Variants in RABGAP1L observed in about 807,000 individuals in gnomAD.
RABGAP1L encodes RAB GTPase activating protein 1 like, also known as rab GTPase-activating protein 1-like.
RABGAP1L carries 63 observed loss-of-function variants against 137.7 expected under a neutral mutation model. That is an observed-to-expected ratio of 0.46 (90% CI 0.37 to 0.56). The LOEUF is 0.56. Ranked by LOEUF, RABGAP1L falls within the 20% of genes least tolerant of loss-of-function variation. The pLI, the probability that RABGAP1L is intolerant of heterozygous loss-of-function variation, is 0.00. For synonymous variants in RABGAP1L, 431 were observed against 433.7 expected (o/e 0.99, Z 0.08); for missense variants, 1,095 against 1,244.0 (o/e 0.88, Z 1.80).
At chr1:174,605,546 G>C (rs1409543415) in intron 13 of RABGAP1L, among the ~76,000 whole-genome samples, 2 of 151,784 alleles carry the variant, frequency 1.3e-5, no homozygotes, top group African/African-American at 4.8e-5. Flanking sequence ...TCGAAGAAAT[G>C]CTTCAGATTT....
intron 18 of RABGAP1L, among the ~76,000 whole-genome samples, chr1:174,807,978 C>CT (rs144433289): frequency 0.092 from 8,707 of 94,572 alleles, 1,030 homozygotes; most frequent in African/African-American, 0.26. Context: ...ACAACAAATT[C>CT]TTTTTTTTTT....
intron 18 of RABGAP1L, among the ~76,000 whole-genome samples, chr1:174,768,677 AG>A (rs1219246776): frequency 2.0e-5 from 3 of 152,236 alleles, no homozygotes; most frequent in Non-Finnish European, 4.4e-5. Context: ...CCCTAAGTCA[AG>A]GGTCAGACAG....
chr1:174,244,256 G>T (rs1672068032), intron 5 of RABGAP1L: 1 of 152,220 alleles, frequency 6.6e-6, no homozygotes. Flanking sequence ...TATGTACTGT[G>T]CAGCAATGCC....
At chr1:174,676,956 A>G (rs973892011) in intron 14 of RABGAP1L, among the ~76,000 whole-genome samples, 1 of 152,170 alleles carries the variant, frequency 6.6e-6, no homozygotes, top group Admixed American at 6.5e-5. Context: ...GGTTTATGTT[A>G]AAGTTGGACA....
chr1:174,923,878 CA>C (rs1176474943), intron 19 of RABGAP1L, among the ~76,000 whole-genome samples: 229 of 87,226 alleles, frequency 2.6e-3, no homozygotes, highest in Middle Eastern at 5.1e-3. Flanking sequence ...GAGACTGTCT[CA>C]AAAAAAAAAA....
intron 10 of RABGAP1L, among the ~76,000 whole-genome samples, chr1:174,304,489 T>G (rs1678013489): frequency 1.3e-5 from 2 of 152,116 alleles, no homozygotes; most frequent in African/African-American, 4.8e-5. Flanking sequence ...TATATATTTT[T>G]ATACATATAG....
chr1:174,976,794 C>T (rs1353059278), intron 22 of RABGAP1L, among the ~76,000 whole-genome samples: 1 of 152,178 alleles, frequency 6.6e-6, no homozygotes, highest in Non-Finnish European at 1.5e-5. Flanking sequence ...AAAATGCCAC[C>T]AGTGCAAAGC....
intron 19 of RABGAP1L, among the ~76,000 whole-genome samples, chr1:174,846,592 T>C (rs1262765413): frequency 1.3e-5 from 1 of 75,638 alleles, no homozygotes; most frequent in African/African-American, 3.0e-5. Flanking sequence ...GTCTGAGAGA[T>C]AGTTTGTTAT....
intron 18 of RABGAP1L, among the ~76,000 whole-genome samples, chr1:174,784,311 G>A (rs1024760611): frequency 6.6e-6 from 1 of 152,010 alleles, no homozygotes; most frequent in African/African-American, 2.4e-5. Flanking sequence ...GAGCCACCGC[G>A]CCTGGACTCA....
chr1:174,380,728 T>C (rs1286073186), intron 12 of RABGAP1L, among the ~76,000 whole-genome samples: 3 of 129,828 alleles, frequency 2.3e-5, no homozygotes, highest in Non-Finnish European at 4.9e-5. Context: ...GTTGATCCTT[T>C]CAAAAAACCA....
At chr1:174,868,052 G>T (rs897115120) in intron 19 of RABGAP1L, among the ~76,000 whole-genome samples, 1 of 151,924 alleles carries the variant, frequency 6.6e-6, no homozygotes, top group Admixed American at 6.6e-5. Context: ...CGCAGCCTCC[G>T]CCGCCTGGGG....
chr1:174,728,218 T>G (rs1682155429), intron 17 of RABGAP1L, among the ~76,000 whole-genome samples: 3 of 152,238 alleles, frequency 2.0e-5, no homozygotes, highest in African/African-American at 7.2e-5. Flanking sequence ...TTAAATTGCT[T>G]TAAATTTTTA....
chr1:174,358,160 T>C (rs1335902352), intron 11 of RABGAP1L, among the ~76,000 whole-genome samples: 4 of 152,212 alleles, frequency 2.6e-5, no homozygotes, highest in Non-Finnish European at 5.9e-5. Context: ...TTTTTTTTTT[T>C]TCCAGTGAAC....
chr1:174,575,057 A>G (rs1160981865), intron 13 of RABGAP1L, among the ~76,000 whole-genome samples: 2 of 152,204 alleles, frequency 1.3e-5, no homozygotes, highest in East Asian at 3.9e-4. Context: ...CAGCCTTCCG[A>G]GTAGCTGGGA....
intron 19 of RABGAP1L, among the ~76,000 whole-genome samples, chr1:174,914,836 C>T (rs1660596398): frequency 6.6e-6 from 1 of 152,086 alleles, no homozygotes. Flanking sequence ...TCATCCTACC[C>T]CCCAGATCCA....
chr1:174,683,539 T>A lies in RABGAP1L; in HGVS notation c.1842T>A (p.Asp614Glu). The change falls in exon 15 of 26, where the codon GAT (aspartate) becomes GAA (glutamate). Residue 614 changes from aspartate (D) to glutamate (E), a missense_variant. Around this residue, in one of 4 missense-constraint regions of RABGAP1L, gnomAD observed 315 missense variants for 324.8 expected, o/e 0.97. Coordinates refer to ENST00000681986, the MANE Select transcript of RABGAP1L (RefSeq NM_001366446.1). ...TTCTCTAGGCCTACTCTGTGTATGA[T>A]GAAGACATTGGGTACTGTCAAGGGC... ...YKICKAYSVY[D>E]EDIGYCQGQS... is the part of the protein sequence containing the mutation. 6.2e-7 allele frequency: 1 copy of A among 1,604,312 alleles called. No individual in the cohort carries two copies.
chr1:174,678,957 GCGAAAGCT>G (rs1390481002), intron 14 of RABGAP1L, among the ~76,000 whole-genome samples: 1 of 152,246 alleles, frequency 6.6e-6, no homozygotes, highest in Non-Finnish European at 1.5e-5. Flanking sequence ...TGGATGGCAA[GCGAAAGCT>G]CAGCTTGAGC....
At position 174,315,622 on chromosome 1, in the gene RABGAP1L, C is replaced by CTT. The variant is rs35771793; in HGVS notation, c.1465+10509_1465+10510dup. Reference sequence around the variant, plus strand: ...CTGTTGCTATGATTTCATTTCTTGCCTTTTTTTTTTTTTTTGAGACATGGT... The same window carrying CTT: ...CTGTTGCTATGATTTCATTTCTTGCCTTTTTTTTTTTTTTTTTGAGACATGGT... On this transcript the variant is annotated intron_variant, in intron 11 of 25. Coordinates refer to ENST00000681986, the MANE Select transcript of RABGAP1L (RefSeq NM_001366446.1). Among the ~76,000 whole-genome samples, 288 of 132,706 alleles carry CTT rather than the reference C, an allele frequency of 2.2e-3. 3 individuals carry two copies. Among genetic ancestry groups the CTT allele is most frequent in the African/African-American group, 6.9e-3 (251 of 36,522 alleles). 87.1% of individuals were successfully genotyped at this position (132,706 alleles called of 152,430 possible).
intron 13 of RABGAP1L, among the ~76,000 whole-genome samples, chr1:174,528,952 C>A (rs973333807): frequency 6.9e-6 from 1 of 144,906 alleles, no homozygotes; most frequent in African/African-American, 2.5e-5. Flanking sequence ...GCTTGTTCTA[C>A]TCTTTTGTTG....
Sources: gnomAD v4.1 joint callset for allele counts (sites outside exome capture counted in the v4.1 genomes callset) on GRCh38, gnomAD v4.1.1 for gene constraint, gnomAD v4.1.1 regional missense constraint, MANE v1.5 for transcripts, NCBI Gene and HGNC (gene_info 2026-07-23, HGNC 2026-07-21) for gene names.